SYT9: variants seen among roughly 807,000 people sequenced by gnomAD.
The protein encoded by SYT9 is synaptotagmin 9.
Under a neutral mutation model 48.4 loss-of-function variants are expected in SYT9, and 22 were observed. That is an observed-to-expected ratio of 0.45 (90% CI 0.32 to 0.65). SYT9 has a LOEUF of 0.65. SYT9 is among the 30% of genes least tolerant of loss of function. SYT9 has a pLI of 0.03. For missense variants in SYT9, 577 were observed against 622.0 expected (o/e 0.93, Z 0.77); for synonymous variants, 265 against 245.0 (o/e 1.08, Z -0.76).
intron 1 of SYT9, among the ~76,000 whole-genome samples, chr11:7,239,555 C>A (rs553749294): frequency 6.6e-6 from 1 of 152,168 alleles, no homozygotes; most frequent in African/African-American, 2.4e-5. Context: ...CATACTCCCT[C>A]AAAGCACCTG....
intron 3 of SYT9, among the ~76,000 whole-genome samples, chr11:7,356,663 G>A (rs1052323712): frequency 6.6e-6 from 1 of 152,168 alleles, no homozygotes; most frequent in African/African-American, 2.4e-5. Context: ...TGAGTCCTTT[G>A]GAGACAACTG....
intron 6 of SYT9, among the ~76,000 whole-genome samples, chr11:7,466,345 G>C (rs1034408724): frequency 1.3e-5 from 2 of 152,166 alleles, no homozygotes; most frequent in Non-Finnish European, 2.9e-5. Context: ...TGAGCCCTTT[G>C]AAAGCAGGGG....
chr11:7,274,839 T>C (rs964667736), intron 1 of SYT9, among the ~76,000 whole-genome samples: 3 of 152,144 alleles, frequency 2.0e-5, no homozygotes, highest in African/African-American at 7.2e-5. Flanking sequence ...CATAAGGCCA[T>C]CTGCTCAGAA....
chr11:7,434,408 T>A (rs1847664243), intron 6 of SYT9, among the ~76,000 whole-genome samples: 1 of 152,134 alleles, frequency 6.6e-6, no homozygotes, highest in South Asian at 2.1e-4. Flanking sequence ...GGGATTAGGG[T>A]GGGCTTCTGG....
intron 3 of SYT9, among the ~76,000 whole-genome samples, chr11:7,386,014 T>C (rs971128448): frequency 6.6e-6 from 1 of 152,230 alleles, no homozygotes; most frequent in African/African-American, 2.4e-5. Flanking sequence ...TTGCTCTATT[T>C]ATTTAGACTT....
intron 6 of SYT9, 22 bp downstream of exon 6, chr11:7,420,657 T>C: frequency 1.2e-6 from 2 of 1,613,892 alleles, no homozygotes; most frequent in Middle Eastern, 1.7e-4. Flanking sequence ...ATCCACATGC[T>C]CCACTTTGCA....
intron 2 of SYT9, 86 bp from the exon 3 acceptor site, chr11:7,313,309 A>G: frequency 2.9e-6 from 4 of 1,368,626 alleles, no homozygotes; most frequent in Non-Finnish European, 3.9e-6. Flanking sequence ...AAAATATAAC[A>G]GTCTACCTAC....
intron 5 of SYT9, among the ~76,000 whole-genome samples, chr11:7,418,535 C>A (rs899437807): frequency 6.6e-6 from 1 of 152,210 alleles, no homozygotes; most frequent in African/African-American, 2.4e-5. Flanking sequence ...TGATTACTTT[C>A]GCCAGACCAT....
chr11:7,307,254 T>C (rs750781903), intron 2 of SYT9, among the ~76,000 whole-genome samples: 4 of 152,250 alleles, frequency 2.6e-5, no homozygotes, highest in African/African-American at 4.8e-5. Flanking sequence ...ACACAAAAAT[T>C]GAATGTAATT....
chr11:7,348,688 CTTTTTT>C (rs34752256), intron 3 of SYT9, among the ~76,000 whole-genome samples: 27 of 47,118 alleles, frequency 5.7e-4, no homozygotes, highest in South Asian at 1.6e-3. Flanking sequence ...ATCAGACCTC[CTTTTTT>C]TTTTTTTTTT....
At chr11:7,330,158 A>G (rs1849501387) in intron 3 of SYT9, among the ~76,000 whole-genome samples, 1 of 152,208 alleles carries the variant, frequency 6.6e-6, no homozygotes, top group Admixed American at 6.5e-5. Context: ...ATGTCCTCCA[A>G]TGGGTAAAAC....
chr11:7,243,071 T>TAA (rs528022019), intron 1 of SYT9, among the ~76,000 whole-genome samples: 160 of 151,112 alleles, frequency 1.1e-3, no homozygotes, highest in African/African-American at 3.3e-3. Flanking sequence ...TAAATAAATA[T>TAA]AAAGTATTAC....
rs116107895 is a variant in SYT9 at position 7,446,145 on chromosome 11, A to G, written c.1468-20647A>G. On this transcript the variant is annotated intron_variant, in intron 6 of 6. Coordinates refer to ENST00000318881, the MANE Select transcript of SYT9 (RefSeq NM_175733.4). ...CCCACTTGACCTTATAGTTGTGCCT[A>G]TCACCGAGCCAAGGGCTGCAAAGGA... Among the ~76,000 whole-genome samples the G allele has an allele frequency of 9.3e-3, 1,411 of 152,358 alleles. 20 individuals carry two copies. Among genetic ancestry groups the G allele is most frequent in the African/African-American group, 0.032 (1,341 of 41,590 alleles).
chr11:7,432,334 G>T (rs1164471089), intron 6 of SYT9, among the ~76,000 whole-genome samples: 5 of 151,818 alleles, frequency 3.3e-5, no homozygotes, highest in African/African-American at 9.7e-5. Context: ...ATCAGTTGAG[G>T]TCAGGAGTTC....
chr11:7,413,583 A>C (rs934174579), intron 3 of SYT9, among the ~76,000 whole-genome samples: 1 of 151,532 alleles, frequency 6.6e-6, no homozygotes, highest in African/African-American at 2.4e-5. Flanking sequence ...TCCCAGCCAA[A>C]CCCCCCGAGC....
rs1379868193 is a variant in SYT9, at chr11:7,313,647, G to A, written c.750G>A (p.Lys250=). 1 of 1,614,154 alleles carries A rather than the reference G, an allele frequency of 6.2e-7. No individual in the cohort carries two copies. Among genetic ancestry groups the A allele is most frequent in the African/African-American group, 1.3e-5 (1 of 75,030 alleles). Residue 250 remains lysine, a synonymous_variant, in exon 3 of 7, where the codon AAG becomes AAA. Transcript: ENST00000318881. ...KIHKAVNLPA[K]DFSGTSDPYV... Reference sequence around the variant, plus strand: ...ACAAAGCTGTCAATTTGCCCGCCAAGGACTTTTCTGGGACTTCAGATCCTT... The same window carrying A: ...ACAAAGCTGTCAATTTGCCCGCCAAAGACTTTTCTGGGACTTCAGATCCTT...
intron 6 of SYT9, 136 bp downstream of exon 6, chr11:7,420,771 T>C (rs1443161091): frequency 1.9e-6 from 2 of 1,048,330 alleles, no homozygotes; most frequent in Non-Finnish European, 1.4e-6. Context: ...TTCCTGGGGC[T>C]GTTGGGACTT....
intron 3 of SYT9, among the ~76,000 whole-genome samples, chr11:7,382,542 A>G (rs1307129276): frequency 6.6e-6 from 1 of 152,204 alleles, no homozygotes; most frequent in Non-Finnish European, 1.5e-5. Context: ...TGCTTATTTG[A>G]TCACTAAATA....
chr11:7,399,426 A>T (rs1030498882), intron 3 of SYT9, among the ~76,000 whole-genome samples: 1 of 152,230 alleles, frequency 6.6e-6, no homozygotes, highest in Non-Finnish European at 1.5e-5. Flanking sequence ...AAACAAGCAA[A>T]GATCTATCAT....
Sources: gnomAD v4.1 joint callset for allele counts (sites outside exome capture counted in the v4.1 genomes callset) on GRCh38, gnomAD v4.1.1 for gene constraint, MANE v1.5 for transcripts, NCBI Gene and HGNC (gene_info 2026-07-23, HGNC 2026-07-21) for gene names.